Variants in SAMMSON observed in about 807,000 individuals in gnomAD.
The protein encoded by SAMMSON is survival associated mitochondrial melanoma specific oncogenic non-coding RNA.
intron 4 of SAMMSON, among the ~76,000 whole-genome samples, chr3:70,091,605 G>T (rs768238726): frequency 1.3e-5 from 2 of 152,084 alleles, no homozygotes; most frequent in African/African-American, 4.8e-5. Context: ...TGTTGATGAG[G>T]CATCTTGAAA....
At chr3:70,375,500 G>A (rs916268094) in intron 9 of SAMMSON, among the ~76,000 whole-genome samples, 2 of 150,294 alleles carry the variant, frequency 1.3e-5, no homozygotes, top group African/African-American at 2.5e-5. Flanking sequence ...TTGGCTATTT[G>A]CAGATTTGTG....
chr3:70,145,462 A>T (rs772437290), intron 4 of SAMMSON, among the ~76,000 whole-genome samples: 2 of 152,112 alleles, frequency 1.3e-5, no homozygotes, highest in Non-Finnish European at 1.5e-5. Context: ...CATAAAACAA[A>T]TCTTAGCACA....
chr3:70,386,944 A>T (rs1227999279), intron 9 of SAMMSON, among the ~76,000 whole-genome samples: 2 of 152,130 alleles, frequency 1.3e-5, no homozygotes, highest in Non-Finnish European at 2.9e-5. Flanking sequence ...CTTGGTAATC[A>T]TTCCACTATT....
intron 3 of SAMMSON, among the ~76,000 whole-genome samples, chr3:70,050,522 T>C (rs529651576): frequency 6.6e-6 from 1 of 152,266 alleles, no homozygotes; most frequent in South Asian, 2.1e-4. Flanking sequence ...TATGTGGTGC[T>C]TGGGACCAAC....
At chr3:70,264,990 G>A (rs1701902751) in intron 6 of SAMMSON, among the ~76,000 whole-genome samples, 1 of 152,188 alleles carries the variant, frequency 6.6e-6, no homozygotes, top group Non-Finnish European at 1.5e-5. Context: ...CATGGTGGCA[G>A]CAAGAGAGCA....
intron 3 of SAMMSON, among the ~76,000 whole-genome samples, chr3:70,066,965 A>G (rs1283905434): frequency 2.0e-5 from 3 of 152,150 alleles, no homozygotes; most frequent in African/African-American, 7.2e-5. Context: ...ATTATAGGAT[A>G]TGTGTAGGAA....
chr3:70,056,104 C>G (rs1180201944), intron 3 of SAMMSON, among the ~76,000 whole-genome samples: 2 of 152,010 alleles, frequency 1.3e-5, no homozygotes, highest in Non-Finnish European at 2.9e-5. Context: ...ATCTTGACAC[C>G]TTTCTTTCTT....
chr3:70,073,126 G>A (rs1463059181), intron 4 of SAMMSON, among the ~76,000 whole-genome samples: 2 of 151,924 alleles, frequency 1.3e-5, no homozygotes, highest in Non-Finnish European at 2.9e-5. Flanking sequence ...GGGTAAATAA[G>A]GACAGAACCA....
chr3:70,241,221 A>G lies in SAMMSON; in HGVS notation n.508-7886A>G, dbSNP rs79208383. On this transcript the variant is annotated intron_variant and non_coding_transcript_variant, in intron 4 of 9. Coordinates refer to ENST00000642114, the Ensembl canonical transcript of SAMMSON. ...TCCTCATAAATATTGTCATATTTCT[A>G]CTTTAAAACTCCACTCTTTAGAGGT... Among the ~76,000 whole-genome samples the G allele has an allele frequency of 7.4e-3, 1,126 of 152,286 alleles. 61 individuals are homozygous for G. The East Asian group carries it at 0.15, about 20-fold the overall frequency.
At chr3:70,140,766 C>G (rs1175942171) in intron 4 of SAMMSON, among the ~76,000 whole-genome samples, 8 of 152,152 alleles carry the variant, frequency 5.3e-5, no homozygotes, top group Non-Finnish European at 1.0e-4. Flanking sequence ...ACAATTCAAC[C>G]AAGTTCTCTT....
intron 6 of SAMMSON, among the ~76,000 whole-genome samples, chr3:70,277,921 T>C (rs1026215896): frequency 2.6e-5 from 4 of 152,170 alleles, no homozygotes; most frequent in Non-Finnish European, 4.4e-5. Flanking sequence ...ACTGGCCAGA[T>C]TTCATTAGCC....
chr3:70,029,714 C>CA (rs1341853389), intron 3 of SAMMSON, among the ~76,000 whole-genome samples: 1 of 146,674 alleles, frequency 6.8e-6, no homozygotes, highest in African/African-American at 2.5e-5. Flanking sequence ...GAGATCACAC[C>CA]AGTGCATTCC....
intron 2 of SAMMSON, among the ~76,000 whole-genome samples, chr3:70,426,172 T>C (rs1021560006): frequency 6.6e-6 from 1 of 152,236 alleles, no homozygotes; most frequent in African/African-American, 2.4e-5. Context: ...AATTAGAAAC[T>C]TGGCAAGCCT....
At chr3:70,289,268 C>G (rs1349580213) in intron 6 of SAMMSON, among the ~76,000 whole-genome samples, 1 of 134,646 alleles carries the variant, frequency 7.4e-6, no homozygotes, top group African/African-American at 2.7e-5. Context: ...GTGACAAAAT[C>G]TCTCAGCATT....
intron 7 of SAMMSON, among the ~76,000 whole-genome samples, chr3:70,337,163 A>G (rs949940505): frequency 1.7e-5 from 1 of 57,174 alleles, no homozygotes; most frequent in Non-Finnish European, 4.3e-5. Context: ...AATAATATCT[A>G]ACTTAATATA....
intron 4 of SAMMSON, among the ~76,000 whole-genome samples, chr3:70,151,250 C>G (rs1045127178): frequency 1.3e-5 from 2 of 151,990 alleles, no homozygotes; most frequent in Non-Finnish European, 2.9e-5. Flanking sequence ...CACCAGGAAT[C>G]TGGGAAGAGA....
At chr3:70,329,068 T>C (rs1232696621) in intron 7 of SAMMSON, among the ~76,000 whole-genome samples, 1 of 152,136 alleles carries the variant, frequency 6.6e-6, no homozygotes, top group Non-Finnish European at 1.5e-5. Context: ...AGCAATACAG[T>C]ACCAAATTTT....
chr3:70,290,734 C>G (rs6766653), intron 6 of SAMMSON, among the ~76,000 whole-genome samples: 20 of 152,102 alleles, frequency 1.3e-4, no homozygotes, highest in Non-Finnish European at 2.9e-4. Flanking sequence ...TAGGACCCTC[C>G]GAGCCAGGTG....
chr3:70,387,838 G>T (rs2106755478), intron 9 of SAMMSON, among the ~76,000 whole-genome samples: 1 of 152,180 alleles, frequency 6.6e-6, no homozygotes, highest in Admixed American at 6.6e-5. Context: ...ATGATTTAAT[G>T]TCATCACAAA....
Sources: allele counts gnomAD v4.1 joint callset (sites outside exome capture counted in the v4.1 genomes callset), GRCh38; gene constraint gnomAD v4.1.1; transcripts MANE v1.5; gene names NCBI Gene and HGNC (gene_info 2026-07-23, HGNC 2026-07-21).